MTMR7: variants seen among roughly 807,000 people sequenced by gnomAD.
The protein encoded by MTMR7 is myotubularin related protein 7.
In MTMR7, 76 loss-of-function variants were observed where a neutral mutation model predicts 81.2. The ratio of observed to expected loss-of-function variants is 0.94; its 90% CI spans 0.78 to 1.13. The LOEUF (loss-of-function observed/expected upper bound fraction) is 1.13. Among genes scored for constraint, MTMR7 ranks in the 50% most tolerant of loss-of-function variants. The pLI, the probability that MTMR7 is intolerant of heterozygous loss-of-function variation, is 0.00. For missense variants in MTMR7, 1,044 were observed against 820.0 expected (o/e 1.27, Z -3.34); for synonymous variants, 372 against 289.8 (o/e 1.28, Z -2.88).
intron 4 of MTMR7, among the ~76,000 whole-genome samples, chr8:17,350,125 T>C (rs571420020): frequency 6.6e-6 from 1 of 152,208 alleles, no homozygotes; most frequent in Non-Finnish European, 1.5e-5. Context: ...ATCAGTCTTT[T>C]CGCAATGTGA....
intron 6 of MTMR7, among the ~76,000 whole-genome samples, chr8:17,335,556 T>A (rs1207135931): frequency 6.6e-6 from 1 of 152,172 alleles, no homozygotes. Flanking sequence ...CTGACATGGT[T>A]GGGAAATGAC....
At chr8:17,406,136 A>G (rs1195509174) in intron 1 of MTMR7, among the ~76,000 whole-genome samples, 1 of 152,188 alleles carries the variant, frequency 6.6e-6, no homozygotes, top group Non-Finnish European at 1.5e-5. Flanking sequence ...ACAAGTGACA[A>G]AAGAAAAAAT....
chr8:17,389,758 G>A (rs986779522), intron 1 of MTMR7, among the ~76,000 whole-genome samples: 42 of 151,794 alleles, frequency 2.8e-4, no homozygotes, highest in East Asian at 1.9e-4. Flanking sequence ...CAGAGACGGG[G>A]AAAAAATAAA....
chr8:17,367,656 T>G (rs1820270235), intron 3 of MTMR7, among the ~76,000 whole-genome samples: 1 of 152,210 alleles, frequency 6.6e-6, no homozygotes, highest in Admixed American at 6.5e-5. Context: ...ATAATTTGAT[T>G]TACCTTATAC....
chr8:17,332,900 A>T (rs73552089), intron 6 of MTMR7, among the ~76,000 whole-genome samples: 1 of 152,350 alleles, frequency 6.6e-6, no homozygotes, highest in African/African-American at 2.4e-5. Flanking sequence ...CAGCAATTAC[A>T]GCAGAAAGAC....
intron 2 of MTMR7, 87 bp from the exon 3 acceptor site, chr8:17,371,286 A>T: frequency 1.4e-6 from 2 of 1,467,028 alleles, no homozygotes; most frequent in Non-Finnish European, 1.9e-6. Context: ...GCTCAAAGAA[A>T]GACAAGAAAC....
intron 1 of MTMR7, among the ~76,000 whole-genome samples, chr8:17,382,563 C>T (rs912239352): frequency 6.6e-6 from 1 of 152,186 alleles, no homozygotes; most frequent in Non-Finnish European, 1.5e-5. Context: ...TTTAGCACAT[C>T]CATCCGTCCA....
At chr8:17,306,252 C>A (rs1817449772) in intron 10 of MTMR7, among the ~76,000 whole-genome samples, 1 of 152,070 alleles carries the variant, frequency 6.6e-6, no homozygotes, top group East Asian at 1.9e-4. Context: ...TTTTTAAATT[C>A]ATTCCTTAAA....
intron 5 of MTMR7, among the ~76,000 whole-genome samples, chr8:17,347,736 T>C (rs1443280588): frequency 6.6e-6 from 1 of 152,172 alleles, no homozygotes; most frequent in African/African-American, 2.4e-5. Flanking sequence ...TGTTTTCCTA[T>C]CCTCCGCAGA....
rs569645037 is a variant in MTMR7, at chr8:17,318,352, G to A, written c.866-4951C>T. ...AGTCCACAGAAAAAGCTGGGCTGAAGACAAGTTTACAGCACACCAGTGAAC... is the reference window on the plus strand; with the variant it reads ...AGTCCACAGAAAAAGCTGGGCTGAAAACAAGTTTACAGCACACCAGTGAAC... On this transcript the variant is annotated intron_variant, in intron 7 of 13. Transcript: ENST00000180173. Among the ~76,000 whole-genome samples, 3 of 152,268 alleles carry A rather than the reference G, an allele frequency of 2.0e-5. No individual in the cohort carries two copies. The South Asian group carries it at 6.2e-4, about 32-fold the overall frequency.
At chr8:17,409,141 GA>G (rs1370162877) in intron 1 of MTMR7, among the ~76,000 whole-genome samples, 1 of 152,066 alleles carries the variant, frequency 6.6e-6, no homozygotes, top group Non-Finnish European at 1.5e-5. Context: ...AAGAGGCCTG[GA>G]TTAATAAAGC....
chr8:17,336,047 C>G (rs1404841951), intron 6 of MTMR7, among the ~76,000 whole-genome samples: 1 of 152,180 alleles, frequency 6.6e-6, no homozygotes, highest in African/African-American at 2.4e-5. Flanking sequence ...GGTTCCAATT[C>G]TCTCTTCATC....
chr8:17,411,420 C>T (rs1450691897), intron 1 of MTMR7, among the ~76,000 whole-genome samples: 1 of 152,198 alleles, frequency 6.6e-6, no homozygotes, highest in Non-Finnish European at 1.5e-5. Context: ...ATATTTACAA[C>T]TGCCTCCCCT....
intron 3 of MTMR7, among the ~76,000 whole-genome samples, chr8:17,363,304 A>C (rs1392930995): frequency 1.3e-5 from 2 of 152,216 alleles, no homozygotes; most frequent in Non-Finnish European, 2.9e-5. Context: ...ATGCCAAAGG[A>C]ATCTCTTGAG....
rs913845187 is a variant in MTMR7 at position 17,299,202 on chromosome 8, A to G, written c.*660T>C. The stretch of plus-strand genomic sequence containing the variant: ...AGTGTTAGAGAAAAAGTGAGATACA[A>G]GGTTTAGCATTTTTAAATAATGAGG... On this transcript the variant is annotated 3_prime_UTR_variant, in exon 14 of 14. Coordinates refer to ENST00000180173, the MANE Select transcript of MTMR7 (RefSeq NM_004686.5). 1 of 152,226 alleles carries G rather than the reference A, an allele frequency of 6.6e-6. No individual in the cohort carries two copies. Among genetic ancestry groups the G allele is most frequent in the African/African-American group, 2.4e-5 (1 of 41,448 alleles). The allele number at this position is 152,226 out of a possible 1,614,324, so 9.4% of individuals were successfully genotyped here. A position where few individuals can be genotyped will look rare whatever the true frequency, so the allele number is the denominator to read the frequency against.
Position 17,411,846 on chromosome 8 carries a change from G to A in MTMR7, c.24+1423C>T, listed in dbSNP as rs139844739. On this transcript the variant is annotated intron_variant, in intron 1 of 13. Coordinates refer to ENST00000180173, the MANE Select transcript of MTMR7 (RefSeq NM_004686.5). ...ATTCTCTAACAAAGTGGCATCCACT[G>A]CCATGTCACTGTATCATTCTTGCTA... Among the ~76,000 whole-genome samples, 401 of 152,326 alleles carry A rather than the reference G, an allele frequency of 2.6e-3. 6 individuals carry two copies. The highest frequency in any genetic ancestry group is 9.0e-3 in the African/African-American group (374 of 41,576).
chr8:17,407,238 T>A (rs1318240358), intron 1 of MTMR7, among the ~76,000 whole-genome samples: 2 of 151,918 alleles, frequency 1.3e-5, no homozygotes, highest in Non-Finnish European at 2.9e-5. Flanking sequence ...TCAGTAAACA[T>A]ATTTTTGGAA....
intron 6 of MTMR7, among the ~76,000 whole-genome samples, chr8:17,334,641 A>C (rs547051090): frequency 6.6e-6 from 1 of 152,348 alleles, no homozygotes; most frequent in South Asian, 2.1e-4. Flanking sequence ...ATAGACACCT[A>C]CTATGGCCAG....
intron 9 of MTMR7, among the ~76,000 whole-genome samples, chr8:17,310,888 A>G (rs1044143945): frequency 1.3e-5 from 2 of 152,018 alleles, no homozygotes; most frequent in African/African-American, 2.4e-5. Flanking sequence ...AGATTAGTGA[A>G]AACTTCACCA....
Sources: allele counts gnomAD v4.1 joint callset (sites outside exome capture counted in the v4.1 genomes callset), GRCh38; gene constraint gnomAD v4.1.1; transcripts MANE v1.5; gene names NCBI Gene and HGNC (gene_info 2026-07-23, HGNC 2026-07-21).